Variants in MTMR1 observed in about 807,000 individuals in gnomAD.
The protein encoded by MTMR1 is myotubularin related protein 1, also known as phosphatidylinositol-3-phosphate phosphatase MTMR1.
Under a neutral mutation model 51.6 loss-of-function variants are expected in MTMR1, and 17 were observed. The ratio of observed to expected loss-of-function variants is 0.33; its 90% CI spans 0.23 to 0.49. The LOEUF is 0.49. Among genes scored for constraint, MTMR1 ranks in the 20% least tolerant of loss-of-function variants. The pLI is 0.99. For synonymous variants in MTMR1, 201 were observed against 205.6 expected (o/e 0.98, Z 0.19); for missense variants, 386 against 526.9 (o/e 0.73, Z 2.62).
rs1428408379 is a variant in MTMR1 at position 150,763,452 on chromosome X, A to G, written c.*723A>G. The G allele has an allele frequency of 8.9e-6, 1 of 112,314 alleles. No individual in the cohort carries two copies. Among genetic ancestry groups the G allele is most frequent in the Non-Finnish European group, 1.9e-5 (1 of 53,220 alleles). The allele number at this position is 112,314 out of a possible 1,213,427, so 9.3% of individuals were successfully genotyped here. A position where few individuals can be genotyped will look rare whatever the true frequency, so the allele number is the denominator to read the frequency against. On this transcript the variant is annotated 3_prime_UTR_variant, in exon 16 of 16. Coordinates refer to ENST00000445323, the MANE Select transcript of MTMR1 (RefSeq NM_001306144.3). ...GGGGCGGCTCAGCCCATTCATGGGG[A>G]TGGCACCAAGCGGCCATGCTCAGTC...
intron 4 of MTMR1, among the ~76,000 whole-genome samples, chrX:150,724,541 G>A (rs782643040): frequency 8.9e-6 from 1 of 111,786 alleles, no homozygotes; most frequent in South Asian, 3.7e-4. Flanking sequence ...TCTGTAGGCT[G>A]TTTACTTTGT....
intron 10 of MTMR1, among the ~76,000 whole-genome samples, chrX:150,734,860 G>A (rs1443469617): frequency 2.7e-5 from 3 of 112,127 alleles, no homozygotes; most frequent in South Asian, 3.7e-4. Context: ...AACCACTGTC[G>A]TGGATTGAAA....
intron 14 of MTMR1, among the ~76,000 whole-genome samples, chrX:150,755,102 T>C (rs2042867307): frequency 9.0e-6 from 1 of 110,519 alleles, no homozygotes; most frequent in South Asian, 3.9e-4. Context: ...TTGCCCAGGC[T>C]GGAGTACAGC....
At position 150,727,688 on chromosome X, in the gene MTMR1, C is replaced by G; in HGVS notation, c.452C>G (p.Pro151Arg). 1 of 1,205,885 alleles carries G rather than the reference C, an allele frequency of 8.3e-7. No individual in the cohort carries two copies. The highest frequency in any genetic ancestry group is 1.1e-6 in the Non-Finnish European group (1 of 891,256). ...GATCTTAATTTTTGAACCTAGGACC[C>G]GCATTTTATCCTTGATGTTCCCCTT... ...KLYFKNVERD[P>R]HFILDVPLGV... The change falls in exon 6 of 16, where the codon CCG becomes CGG. Residue 151 changes from proline (P) to arginine (R), a missense_variant. Pro to Arg is a moderately radical substitution (Grantham distance 103). Transcript: ENST00000445323.
chrX:150,722,808 CTT>C (rs1557416613), intron 4 of MTMR1, among the ~76,000 whole-genome samples: 2 of 110,193 alleles, frequency 1.8e-5, no homozygotes, highest in Non-Finnish European at 3.8e-5. Context: ...TTTTTTCCCT[CTT>C]TTTATGGTTG....
At chrX:150,729,221 CACACA>C (rs2042037578) in intron 6 of MTMR1, among the ~76,000 whole-genome samples, 1 of 102,660 alleles carries the variant, frequency 9.7e-6, no homozygotes, top group African/African-American at 3.9e-5. Flanking sequence ...CACCCACCCA[CACACA>C]CACACACACA....
intron 7 of MTMR1, 107 bp from the exon 8 acceptor site, chrX:150,730,418 T>C: frequency 5.1e-6 from 3 of 592,812 alleles, no homozygotes; most frequent in Non-Finnish European, 5.1e-6. Flanking sequence ...CAGACTAAAA[T>C]AGGAATCTTA....
At chrX:150,706,119 C>A (rs1450902731) in intron 2 of MTMR1, among the ~76,000 whole-genome samples, 1 of 111,252 alleles carries the variant, frequency 9.0e-6, no homozygotes, top group Admixed American at 9.6e-5. Context: ...CATGACATGG[C>A]AGGAGACATC....
chrX:150,706,572 A>T (rs1457218533), intron 2 of MTMR1, among the ~76,000 whole-genome samples: 1 of 112,479 alleles, frequency 8.9e-6, no homozygotes, highest in South Asian at 3.6e-4. Context: ...AACAGGACTC[A>T]TAAGCTGAAA....
At chrX:150,740,532 C>T (rs2042394660) in intron 12 of MTMR1, among the ~76,000 whole-genome samples, 1 of 110,914 alleles carries the variant, frequency 9.0e-6, no homozygotes, top group Non-Finnish European at 1.9e-5. Context: ...CAGCCAGTCC[C>T]ATAACTTTGA....
chrX:150,700,652 G>T (rs1302583880), intron 2 of MTMR1, among the ~76,000 whole-genome samples: 1 of 112,639 alleles, frequency 8.9e-6, no homozygotes, highest in Non-Finnish European at 1.9e-5. Flanking sequence ...GCTGCGGATC[G>T]CATCAGTTCC....
At chrX:150,735,343 G>A (rs2042234390) in intron 10 of MTMR1, 2 of 384,049 alleles carry the variant, frequency 5.2e-6, no homozygotes, top group South Asian at 1.2e-4. Flanking sequence ...CATGGTATGT[G>A]ATCAGTCCCC....
intron 15 of MTMR1, among the ~76,000 whole-genome samples, chrX:150,758,702 A>G (rs1250978847): frequency 9.1e-6 from 1 of 109,700 alleles, no homozygotes; most frequent in African/African-American, 3.3e-5. Flanking sequence ...GAGGCAGAAG[A>G]ATCGCTTGAA....
Position 150,724,573 on chromosome X carries a change from G to A in MTMR1, c.353-2642G>A, listed in dbSNP as rs184178764. On this transcript the variant is annotated intron_variant, in intron 4 of 15. Transcript: ENST00000445323. ...TTGTTGATAGTTTCTTTTGCTGTGC[G>A]GAAGCTCTTTAGTTTCATTAGATTC... 6.0e-4 allele frequency among the ~76,000 whole-genome samples: 67 copies of A among 111,485 alleles called. No homozygotes were observed. The East Asian group carries it at 0.011, about 18-fold the overall frequency.
chrX:150,698,298 A>G (rs2036467019), intron 1 of MTMR1, among the ~76,000 whole-genome samples: 1 of 110,833 alleles, frequency 9.0e-6, no homozygotes, highest in South Asian at 3.8e-4. Flanking sequence ...TGTCTCAAAA[A>G]AAAAAATAAA....
chrX:150,762,702 C>T lies in MTMR1; in HGVS notation c.1995C>T (p.Ser665=), dbSNP rs1368472543. 26 of 1,181,213 alleles carry T rather than the reference C, an allele frequency of 2.2e-5. No individual in the cohort carries two copies. Among genetic ancestry groups the T allele is most frequent in the East Asian group, 1.5e-4 (5 of 32,828 alleles). ...SSERGSSPSH[S]ATSVHTSV Reference sequence around the variant, plus strand: ...AGCGGGGCTCCTCGCCCTCCCACTCCGCCACCTCCGTCCACACCTCGGTCT... The same window carrying T: ...AGCGGGGCTCCTCGCCCTCCCACTCTGCCACCTCCGTCCACACCTCGGTCT... Residue 665 remains serine, a synonymous_variant, in exon 16 of 16, where the codon TCC becomes TCT. Coordinates refer to ENST00000445323, the MANE Select transcript of MTMR1 (RefSeq NM_001306144.3).
intron 15 of MTMR1, among the ~76,000 whole-genome samples, chrX:150,757,464 A>G (rs149086161): frequency 0.11 from 11,982 of 111,860 alleles, 467 homozygotes; most frequent in Middle Eastern, 0.15. Flanking sequence ...TGGCCCTGCC[A>G]CCCTTACGAC....
chrX:150,693,822 T>TC (rs2040568953), intron 1 of MTMR1, 146 bp downstream of exon 1: 4 of 290,809 alleles, frequency 1.4e-5, no homozygotes, highest in Non-Finnish European at 1.7e-5. Context: ...TGGGCCCTCC[T>TC]CCCCCCCACC....
intron 3 of MTMR1, chrX:150,714,604 A>G: frequency 1.3e-6 from 1 of 792,950 alleles, no homozygotes; most frequent in Non-Finnish European, 1.7e-6. Context: ...CTAGACTTCT[A>G]GATAATAAGC....
Sources: allele counts gnomAD v4.1 joint callset (sites outside exome capture counted in the v4.1 genomes callset), GRCh38; gene constraint gnomAD v4.1.1; transcripts MANE v1.5; gene names NCBI Gene and HGNC (gene_info 2026-07-23, HGNC 2026-07-21).